The following CALN1 variants were observed in gnomAD, a reference collection of about 807,000 sequenced individuals.
The protein encoded by CALN1 is calcium-binding protein 8.
A neutral mutation model predicts 30.6 loss-of-function variants in CALN1; 17 were observed. The ratio of observed to expected loss-of-function variants is 0.56; its 90% CI spans 0.38 to 0.83. The LOEUF (loss-of-function observed/expected upper bound fraction) is 0.83. Among genes scored for constraint, CALN1 ranks in the 40% least tolerant of loss-of-function variants. The pLI, the probability that CALN1 is intolerant of heterozygous loss-of-function variation, is 0.00. For missense variants in CALN1, 291 were observed against 354.9 expected, an observed-to-expected ratio of 0.82 and a Z score of 1.45; for synonymous variants, 156 against 131.4, an observed-to-expected ratio of 1.19 and a Z score of -1.28.
At chr7:71,940,612 G>C (rs916548335) in intron 5 of CALN1, among the ~76,000 whole-genome samples, 15 of 151,964 alleles carry the variant, frequency 9.9e-5, no homozygotes, top group African/African-American at 3.4e-4. Context: ...TTGTTTGTTT[G>C]TTTTTTCAGA....
intron 5 of CALN1, among the ~76,000 whole-genome samples, chr7:71,869,766 T>G (rs1791810717): frequency 6.6e-6 from 1 of 152,156 alleles, no homozygotes; most frequent in African/African-American, 2.4e-5. Flanking sequence ...CTCTCTGGGG[T>G]GATCGGGTTG....
At position 71,781,093 on chromosome 7, in the gene CALN1, T is replaced by C. The variant is rs1033726790; in HGVS notation, c.*6682A>G. 1 of 152,236 alleles carries C rather than the reference T, an allele frequency of 6.6e-6. No individual in the cohort carries two copies. The highest frequency in any genetic ancestry group is 2.4e-5 in the African/African-American group (1 of 41,476). The allele number at this position is 152,236 out of a possible 1,614,324, so 9.4% of individuals were successfully genotyped here. ...TGTTCAAAAAGGAGCTCCCAGTTCC[T>C]AGTGCAATTCATGGGTGAAATCCAG... On this transcript the variant is annotated 3_prime_UTR_variant, in exon 7 of 7. Coordinates refer to ENST00000395275, the MANE Select transcript of CALN1 (RefSeq NM_031468.4).
the CALN1 span, among the ~76,000 whole-genome samples, chr7:72,462,351 A>C: frequency 6.6e-6 from 1 of 151,920 alleles, no homozygotes; most frequent in Non-Finnish European, 1.5e-5. Flanking sequence ...TGCCCAGCTT[A>C]TTTCTCTATC....
At position 72,137,271 on chromosome 7, in the gene CALN1, CATTAGGCT is replaced by C. The variant is rs1460258331; in HGVS notation, c.245-30985_245-30978del. 6.6e-5 allele frequency among the ~76,000 whole-genome samples: 10 copies of C among 152,082 alleles called. 1 individual carries two copies. The South Asian group carries it at 2.1e-3, about 32-fold the overall frequency. ...TGTTTCTAGTTATGCTGACATTAGC[CATTAGGCT>C]GATGTTTTGGGGCTGGATTTAGGTG... On this transcript the variant is annotated intron_variant, in intron 3 of 6. Coordinates refer to ENST00000395275, the MANE Select transcript of CALN1 (RefSeq NM_031468.4).
chr7:72,019,617 C>T (rs911162474), intron 5 of CALN1, among the ~76,000 whole-genome samples: 2 of 152,092 alleles, frequency 1.3e-5, no homozygotes, highest in Non-Finnish European at 2.9e-5. Context: ...TGAGGGCTCC[C>T]GTCAACCACC....
At chr7:72,440,398 A>G (rs980087653) in intron 1 of CALN1, among the ~76,000 whole-genome samples, 1 of 152,348 alleles carries the variant, frequency 6.6e-6, no homozygotes, top group African/African-American at 2.4e-5. Context: ...ATACAGTTTT[A>G]TGACCAGCCA....
chr7:71,973,958 G>A (rs1215077842), intron 5 of CALN1, among the ~76,000 whole-genome samples: 2 of 152,154 alleles, frequency 1.3e-5, no homozygotes, highest in African/African-American at 4.8e-5. Flanking sequence ...ACAAAAATGT[G>A]GGGATGTGCT....
At chr7:71,994,923 G>C (rs1477407090) in intron 5 of CALN1, among the ~76,000 whole-genome samples, 1 of 148,908 alleles carries the variant, frequency 6.7e-6, no homozygotes, top group Non-Finnish European at 1.5e-5. Flanking sequence ...CGCGATCTCA[G>C]CTCACTGCAG....
intron 2 of CALN1, among the ~76,000 whole-genome samples, chr7:72,387,493 G>A (rs73364947): frequency 0.035 from 5,306 of 152,010 alleles, 206 homozygotes; most frequent in African/African-American, 0.096. Context: ...CACTCCCTCC[G>A]CCCCGGGTGA....
chr7:72,306,890 TTTCAGG>T (rs1799693808), intron 2 of CALN1, among the ~76,000 whole-genome samples: 2 of 152,080 alleles, frequency 1.3e-5, no homozygotes, highest in Admixed American at 6.6e-5. Context: ...GAATAAATCT[TTTCAGG>T]TATTTTACAG....
chr7:71,892,629 A>G (rs1379543010), intron 5 of CALN1, among the ~76,000 whole-genome samples: 2 of 152,146 alleles, frequency 1.3e-5, no homozygotes, highest in Non-Finnish European at 2.9e-5. Context: ...TCCCCCCAAA[A>G]AAAATCCAAA....
At chr7:72,059,505 G>T (rs769527878) in intron 4 of CALN1, among the ~76,000 whole-genome samples, 2 of 152,058 alleles carry the variant, frequency 1.3e-5, no homozygotes, top group African/African-American at 2.4e-5. Context: ...TAAATTTAAA[G>T]GAAACTACTT....
At chr7:72,012,466 C>T (rs1296954127) in intron 5 of CALN1, among the ~76,000 whole-genome samples, 2 of 152,160 alleles carry the variant, frequency 1.3e-5, no homozygotes, top group South Asian at 2.1e-4. Context: ...GAGCCGAGGT[C>T]GTGCCACTGC....
At chr7:72,378,578 G>GT (rs1804702018) in intron 2 of CALN1, among the ~76,000 whole-genome samples, 1 of 152,010 alleles carries the variant, frequency 6.6e-6, no homozygotes, top group African/African-American at 2.4e-5. Flanking sequence ...TTACCGGCAC[G>GT]TAAGTCCTTT....
chr7:72,309,253 T>C (rs1241967419), intron 2 of CALN1, among the ~76,000 whole-genome samples: 1 of 152,228 alleles, frequency 6.6e-6, no homozygotes, highest in Non-Finnish European at 1.5e-5. Flanking sequence ...GGCATTCATT[T>C]ATCCTAGAAA....
At chr7:71,818,084 C>T (rs985030319) in intron 5 of CALN1, among the ~76,000 whole-genome samples, 2 of 152,028 alleles carry the variant, frequency 1.3e-5, no homozygotes, top group Non-Finnish European at 2.9e-5. Context: ...CAAAAGCGAA[C>T]AATACATAAA....
At chr7:72,068,212 A>G (rs534166238) in intron 4 of CALN1, among the ~76,000 whole-genome samples, 1 of 152,378 alleles carries the variant, frequency 6.6e-6, no homozygotes, top group Non-Finnish European at 1.5e-5. Flanking sequence ...AGATTTTAAA[A>G]TATACATGAC....
intron 2 of CALN1, among the ~76,000 whole-genome samples, chr7:72,340,976 A>G (rs971693269): frequency 2.6e-5 from 4 of 152,182 alleles, no homozygotes; most frequent in Non-Finnish European, 5.9e-5. Context: ...TGAGTCCATT[A>G]AATCTTTCTT....
At chr7:72,078,470 CT>C (rs1292415276) in intron 4 of CALN1, among the ~76,000 whole-genome samples, 2 of 152,106 alleles carry the variant, frequency 1.3e-5, no homozygotes, top group Admixed American at 1.3e-4. Flanking sequence ...TTCTCCTCCC[CT>C]GATTCCTAAT....
Sources: allele counts gnomAD v4.1 joint callset (sites outside exome capture counted in the v4.1 genomes callset), GRCh38; gene constraint gnomAD v4.1.1; transcripts MANE v1.5; gene names NCBI Gene and HGNC (gene_info 2026-07-23, HGNC 2026-07-21).